The following LIN7A variants were observed in gnomAD, a reference collection of about 807,000 sequenced individuals.
LIN7A encodes protein lin-7 homolog A.
In LIN7A, 25 loss-of-function variants were observed where a neutral mutation model predicts 29.8. The ratio of observed to expected loss-of-function variants is 0.84; its 90% CI spans 0.61 to 1.17. LIN7A has a LOEUF of 1.17. LIN7A is among the 50% of genes most tolerant of loss of function. The probability of loss-of-function intolerance (pLI) is 0.00; values close to 1 mark genes in which losing one functional copy is unlikely to be tolerated. For missense variants in LIN7A, 239 were observed against 287.0 expected (o/e 0.83, Z 1.21); for synonymous variants, 118 against 107.5 (o/e 1.10, Z -0.60).
intron 4 of LIN7A, among the ~76,000 whole-genome samples, chr12:80,833,634 A>T (rs1872477262): frequency 6.6e-6 from 1 of 152,154 alleles, no homozygotes; most frequent in Admixed American, 6.5e-5. Context: ...GTCTTCCATG[A>T]TGTGGCTCAA....
chr12:80,829,991 T>C (rs764171030), intron 4 of LIN7A, among the ~76,000 whole-genome samples: 6 of 152,200 alleles, frequency 3.9e-5, no homozygotes, highest in Non-Finnish European at 5.9e-5. Context: ...GTATTGCAGA[T>C]ACAGGCTGAA....
intron 2 of LIN7A, among the ~76,000 whole-genome samples, chr12:80,854,104 TCTTCTAG>T (rs1295395365): frequency 6.6e-6 from 1 of 152,202 alleles, no homozygotes; most frequent in East Asian, 1.9e-4. Context: ...CCACTCATCT[TCTTCTAG>T]CTATTTATCC....
intron 2 of LIN7A, among the ~76,000 whole-genome samples, chr12:80,880,482 A>T (rs952310650): frequency 4.6e-5 from 7 of 152,112 alleles, no homozygotes; most frequent in African/African-American, 1.7e-4. Flanking sequence ...AACTTTTGAA[A>T]CTCTAGATTT....
At chr12:80,837,740 A>G (rs774790653) in intron 4 of LIN7A, among the ~76,000 whole-genome samples, 10 of 152,204 alleles carry the variant, frequency 6.6e-5, no homozygotes, top group South Asian at 2.1e-4. Context: ...TACTGTGACC[A>G]GTGTGAACCT....
At chr12:80,889,206 G>A in intron 2 of LIN7A, 45 bp downstream of exon 2, 1 of 978,978 alleles carries the variant, frequency 1.0e-6, no homozygotes, top group Non-Finnish European at 1.7e-6. Context: ...TTTCTATGAA[G>A]AAGACATATG....
intron 1 of LIN7A, chr12:80,935,727 T>A: frequency 2.1e-6 from 1 of 472,200 alleles, no homozygotes; most frequent in African/African-American, 1.9e-5. Flanking sequence ...GAGCTGCTGA[T>A]GAATTTTTTC....
chr12:80,804,606 C>G (rs1261291418), intron 5 of LIN7A, among the ~76,000 whole-genome samples: 2 of 151,824 alleles, frequency 1.3e-5, no homozygotes, highest in Non-Finnish European at 2.9e-5. Context: ...TGGCATGAAC[C>G]TGGCTCACTG....
At chr12:80,877,851 G>A (rs1356426443) in intron 2 of LIN7A, among the ~76,000 whole-genome samples, 1 of 150,238 alleles carries the variant, frequency 6.7e-6, no homozygotes, top group East Asian at 1.9e-4. Flanking sequence ...AAGGTTAAAT[G>A]ACTTGTGCAC....
chr12:80,822,441 C>G (rs1034404611), intron 4 of LIN7A, among the ~76,000 whole-genome samples: 1 of 152,236 alleles, frequency 6.6e-6, no homozygotes, highest in East Asian at 1.9e-4. Context: ...GCCTGGAATT[C>G]CAGCTACTCA....
chr12:80,851,037 C>T (rs1873306150), intron 2 of LIN7A, among the ~76,000 whole-genome samples: 1 of 152,162 alleles, frequency 6.6e-6, no homozygotes, highest in Non-Finnish European at 1.5e-5. Flanking sequence ...AGCAACTCAT[C>T]TCTATCTCCC....
In LIN7A at chr12:80,798,269, C is replaced by T. The variant is rs572914092; in HGVS notation, c.*1-543G>A. Among the ~76,000 whole-genome samples, 8 of 152,320 alleles carry T rather than the reference C, an allele frequency of 5.3e-5. No homozygotes were observed. The South Asian group carries it at 1.5e-3, about 28-fold the overall frequency. On this transcript the variant is annotated intron_variant, in intron 5 of 5. Coordinates refer to ENST00000552864, the MANE Select transcript of LIN7A (RefSeq NM_004664.4). Reference sequence around the variant, plus strand: ...GGAGCAGTCTTGCCAGATACTACCCCCATACCTGCCACTCTTCCACTATTA... The same window carrying T: ...GGAGCAGTCTTGCCAGATACTACCCTCATACCTGCCACTCTTCCACTATTA...
intron 4 of LIN7A, among the ~76,000 whole-genome samples, chr12:80,831,695 A>C (rs1336147781): frequency 6.6e-6 from 1 of 152,166 alleles, no homozygotes; most frequent in Non-Finnish European, 1.5e-5. Flanking sequence ...AACATCATAC[A>C]ACTTTGCATT....
chr12:80,816,357 GC>G (rs1296805839), intron 4 of LIN7A, among the ~76,000 whole-genome samples: 1 of 151,464 alleles, frequency 6.6e-6, no homozygotes, highest in Non-Finnish European at 1.5e-5. Context: ...GCTGTGGGGA[GC>G]CATGTTTGTG....
chr12:80,868,182 G>T (rs574496317), intron 2 of LIN7A, among the ~76,000 whole-genome samples: 9 of 152,274 alleles, frequency 5.9e-5, no homozygotes, highest in African/African-American at 2.2e-4. Flanking sequence ...GAGGCCATCT[G>T]CCTAGTACCA....
intron 1 of LIN7A, among the ~76,000 whole-genome samples, chr12:80,906,877 G>A (rs1364658924): frequency 6.6e-6 from 1 of 152,130 alleles, no homozygotes; most frequent in African/African-American, 2.4e-5. Flanking sequence ...GAACTAGAAA[G>A]GTGGGGAAGC....
In LIN7A at chr12:80,908,051, A is replaced by G. The variant is rs76402773; in HGVS notation, c.83-18682T>C. Reference sequence around the variant, plus strand: ...ATGACCTAAAAGTTGAGCATTTCTAAGTACTTAGCCTGAGATATCAGTGAT... The same window carrying G: ...ATGACCTAAAAGTTGAGCATTTCTAGGTACTTAGCCTGAGATATCAGTGAT... On this transcript the variant is annotated intron_variant, in intron 1 of 5. Transcript: ENST00000552864. Among the ~76,000 whole-genome samples the G allele has an allele frequency of 9.6e-3, 1,468 of 152,226 alleles. 32 individuals carry two copies. Among genetic ancestry groups the G allele is most frequent in the African/African-American group, 0.034 (1,397 of 41,560 alleles).
chr12:80,869,659 AT>A (rs1333853035), intron 2 of LIN7A, among the ~76,000 whole-genome samples: 5 of 152,198 alleles, frequency 3.3e-5, no homozygotes, highest in Admixed American at 3.3e-4. Context: ...ATTCTAAGAA[AT>A]AGATGTCCAA....
chr12:80,810,095 A>G (rs1408127868), intron 5 of LIN7A, among the ~76,000 whole-genome samples: 1 of 152,184 alleles, frequency 6.6e-6, no homozygotes, highest in African/African-American at 2.4e-5. Flanking sequence ...AAGTTGTATA[A>G]TAGATCATCT....
In LIN7A at chr12:80,859,222, G is replaced by T. The variant is rs980257094; in HGVS notation, c.202-10900C>A. Among the ~76,000 whole-genome samples, 3 of 152,146 alleles carry T rather than the reference G, an allele frequency of 2.0e-5. No individual in the cohort carries two copies. In the East Asian group the frequency reaches 5.8e-4, roughly 29 times the overall value. On this transcript the variant is annotated intron_variant, in intron 2 of 5. Transcript: ENST00000552864. ...AAGACTTATAGTTTGGGAGGTGAGA[G>T]ATGTTAACAACAGTGAGTATAATTA...
Sources: allele counts gnomAD v4.1 joint callset (sites outside exome capture counted in the v4.1 genomes callset), GRCh38; gene constraint gnomAD v4.1.1; transcripts MANE v1.5; gene names NCBI Gene and HGNC (gene_info 2026-07-23, HGNC 2026-07-21).